Variants in NTM observed in about 807,000 individuals in gnomAD.
The protein encoded by NTM is neurotrimin.
A neutral mutation model predicts 42.1 loss-of-function variants in NTM; 13 were observed. The observed-to-expected ratio is 0.31, with a 90% CI of 0.20 to 0.49. NTM has a LOEUF of 0.49. NTM is among the 20% of genes least tolerant of loss of function. The pLI, the probability that NTM is intolerant of heterozygous loss-of-function variation, is 0.99. For synonymous variants in NTM, 187 were observed against 179.2 expected (o/e 1.04, Z -0.35); for missense variants, 373 against 452.8 (o/e 0.82, Z 1.60).
chr11:132,064,763 CAACTT>C (rs1267528424), intron 2 of NTM, among the ~76,000 whole-genome samples: 1 of 152,210 alleles, frequency 6.6e-6, no homozygotes, highest in Non-Finnish European at 1.5e-5. Context: ...TTCAGGCTAA[CAACTT>C]CACTTTCCAT....
At chr11:131,603,822 G>A (rs1036129839) in intron 1 of NTM, among the ~76,000 whole-genome samples, 9 of 152,098 alleles carry the variant, frequency 5.9e-5, no homozygotes, top group East Asian at 1.9e-4. Flanking sequence ...ACTTAGCATC[G>A]TTTTTCAAAG....
In NTM at chr11:131,819,899, C is replaced by T. The variant is rs1323757770; in HGVS notation, c.83-91665C>T. Reference sequence around the variant, plus strand: ...TGGATGCTGCTGTGGACGTGTGGGCCGCTACTCCGTCTCTGAATTTCACCC... The same window carrying T: ...TGGATGCTGCTGTGGACGTGTGGGCTGCTACTCCGTCTCTGAATTTCACCC... On this transcript the variant is annotated intron_variant, in intron 1 of 8. Transcript: ENST00000683400. Among the ~76,000 whole-genome samples, 12 of 152,218 alleles carry T rather than the reference C, an allele frequency of 7.9e-5. No individual in the cohort carries two copies. The East Asian group carries it at 1.2e-3, about 15-fold the overall frequency.
chr11:131,586,426 C>T (rs1320404042), intron 1 of NTM, among the ~76,000 whole-genome samples: 2 of 152,206 alleles, frequency 1.3e-5, no homozygotes, highest in African/African-American at 2.4e-5. Context: ...CTCTCACTCC[C>T]TCTGGGATTA....
chr11:131,500,908 G>A (rs2046737509), intron 1 of NTM, among the ~76,000 whole-genome samples: 1 of 142,980 alleles, frequency 7.0e-6, no homozygotes, highest in Non-Finnish European at 1.6e-5. Flanking sequence ...TCTCTACAAA[G>A]GACATGAACT....
At chr11:131,784,734 C>G (rs1026866756) in intron 1 of NTM, among the ~76,000 whole-genome samples, 1 of 152,200 alleles carries the variant, frequency 6.6e-6, no homozygotes, top group African/African-American at 2.4e-5. Flanking sequence ...AAACTGCACA[C>G]TTTAAGTGGT....
At chr11:132,079,496 C>A (rs908421452) in intron 2 of NTM, among the ~76,000 whole-genome samples, 2 of 152,202 alleles carry the variant, frequency 1.3e-5, no homozygotes, top group African/African-American at 4.8e-5. Flanking sequence ...TTGATGCTAT[C>A]CTTGTTCCAG....
At chr11:132,127,015 T>G (rs2137017387) in intron 2 of NTM, among the ~76,000 whole-genome samples, 1 of 152,334 alleles carries the variant, frequency 6.6e-6, no homozygotes. Flanking sequence ...TTCCAGAAAC[T>G]ATTTCCATCT....
chr11:131,747,523 G>A (rs1165983758), intron 1 of NTM, among the ~76,000 whole-genome samples: 2 of 152,122 alleles, frequency 1.3e-5, no homozygotes, highest in African/African-American at 4.8e-5. Flanking sequence ...GGCCTTCGTT[G>A]TTCTCCTTCC....
At chr11:132,189,040 A>G (rs1273333211) in intron 3 of NTM, among the ~76,000 whole-genome samples, 1 of 152,230 alleles carries the variant, frequency 6.6e-6, no homozygotes, top group Non-Finnish European at 1.5e-5. Flanking sequence ...AGGGAATTAG[A>G]TTAGTATCAG....
At chr11:131,395,375 T>A (rs1355663822) in intron 1 of NTM, among the ~76,000 whole-genome samples, 3 of 152,208 alleles carry the variant, frequency 2.0e-5, no homozygotes, top group Non-Finnish European at 4.4e-5. Context: ...TGGCAGGGTC[T>A]AATTTATCAT....
intron 1 of NTM, chr11:131,536,559 C>T (rs1234753759): frequency 3.3e-5 from 5 of 152,090 alleles, no homozygotes; most frequent in South Asian, 2.1e-4. Flanking sequence ...AGTTAAGACC[C>T]ATAAACCCAT....
In NTM at chr11:131,484,079, T is replaced by A. The variant is rs147479481; in HGVS notation, c.82+113191T>A. ...GTAATGAGCAGGAGGAGGGACTGAG[T>A]CCCAGGGGGCACATTGTCTGGAGGA... On this transcript the variant is annotated intron_variant, in intron 1 of 8. Transcript: ENST00000683400. Among the ~76,000 whole-genome samples the A allele has an allele frequency of 3.4e-3, 522 of 152,240 alleles. 3 individuals are homozygous for A. The highest frequency in any genetic ancestry group is 5.8e-3 in the Non-Finnish European group (393 of 68,020).
chr11:131,581,633 C>A (rs961439773), intron 1 of NTM, among the ~76,000 whole-genome samples: 1 of 152,086 alleles, frequency 6.6e-6, no homozygotes, highest in African/African-American at 2.4e-5. Context: ...ACCAGAATTG[C>A]CTGCTTTTTG....
At chr11:131,890,207 A>G (rs563588305) in intron 1 of NTM, among the ~76,000 whole-genome samples, 1 of 151,526 alleles carries the variant, frequency 6.6e-6, no homozygotes, top group East Asian at 1.9e-4. Context: ...ACACACACAC[A>G]CATATCCACC....
At chr11:131,774,170 G>C (rs2086594493) in intron 1 of NTM, 1 of 965,572 alleles carries the variant, frequency 1.0e-6, no homozygotes, top group Non-Finnish European at 1.2e-6. Context: ...TCAGCTCTAA[G>C]AGATTTTCTT....
intron 1 of NTM, among the ~76,000 whole-genome samples, chr11:131,757,375 G>A (rs2083476138): frequency 6.6e-6 from 1 of 152,154 alleles, no homozygotes. Flanking sequence ...AGTCATGCAT[G>A]GACTCCAACT....
intron 2 of NTM, among the ~76,000 whole-genome samples, chr11:131,918,151 A>C (rs1240075032): frequency 6.6e-6 from 1 of 152,124 alleles, no homozygotes; most frequent in Non-Finnish European, 1.5e-5. Flanking sequence ...AGTCTTGCGT[A>C]AGGAGGCCTT....
chr11:132,194,318 C>G (rs891303142), intron 3 of NTM, among the ~76,000 whole-genome samples: 3 of 151,916 alleles, frequency 2.0e-5, no homozygotes, highest in Admixed American at 6.6e-5. Flanking sequence ...TCAACATGTA[C>G]AAATCAACAA....
At chr11:131,995,515 G>T (rs2067836184) in intron 2 of NTM, among the ~76,000 whole-genome samples, 2 of 152,124 alleles carry the variant, frequency 1.3e-5, no homozygotes, top group East Asian at 1.9e-4. Flanking sequence ...AGAATGAGGA[G>T]TCAGCCAGGC....
Sources: gnomAD v4.1 joint callset for allele counts (sites outside exome capture counted in the v4.1 genomes callset) on GRCh38, gnomAD v4.1.1 for gene constraint, MANE v1.5 for transcripts, NCBI Gene and HGNC (gene_info 2026-07-23, HGNC 2026-07-21) for gene names.